TSEN15: variants seen among roughly 807,000 people sequenced by gnomAD.
The protein encoded by TSEN15 is tRNA splicing endonuclease subunit 15, also known as tRNA-splicing endonuclease subunit Sen15.
TSEN15 carries 10 observed loss-of-function variants against 20.5 expected under a neutral mutation model. That is an observed-to-expected ratio of 0.49 (90% confidence interval 0.30 to 0.83). TSEN15 has a LOEUF of 0.83. Ranked by LOEUF, TSEN15 falls within the 40% of genes least tolerant of loss-of-function variation. The pLI, the probability that TSEN15 is intolerant of heterozygous loss-of-function variation, is 0.06. For synonymous variants in TSEN15, 72 were observed against 80.1 expected, an observed-to-expected ratio of 0.90 and a Z score of 0.54; for missense variants, 180 against 218.6, an observed-to-expected ratio of 0.82 and a Z score of 1.11.
chr1:184,068,026 T>C (rs539252041), intron 3 of TSEN15, among the ~76,000 whole-genome samples: 1 of 149,170 alleles, frequency 6.7e-6, no homozygotes, highest in Non-Finnish European at 1.5e-5. Flanking sequence ...ATCACCATTT[T>C]CCACGCTTTG....
chr1:184,081,994 T>G (rs1291253644), intron 3 of TSEN15, among the ~76,000 whole-genome samples: 1 of 152,164 alleles, frequency 6.6e-6, no homozygotes, highest in Non-Finnish European at 1.5e-5. Flanking sequence ...CATAGAAGAT[T>G]TAGTGGAACT....
At chr1:184,080,572 T>G (rs897050131) in intron 3 of TSEN15, among the ~76,000 whole-genome samples, 5 of 152,204 alleles carry the variant, frequency 3.3e-5, no homozygotes, top group Non-Finnish European at 7.4e-5. Context: ...CTTGAACAAA[T>G]GTATCAAAAT....
At chr1:184,072,062 G>C in intron 3 of TSEN15, 95 bp from the exon 4 acceptor site, 1 of 1,271,534 alleles carries the variant, frequency 7.9e-7, no homozygotes, top group Non-Finnish European at 1.1e-6. Context: ...TTGGTTTCTT[G>C]TGACCTGTTT....
At chr1:184,065,620 T>C (rs904172849) in intron 3 of TSEN15, among the ~76,000 whole-genome samples, 1 of 152,236 alleles carries the variant, frequency 6.6e-6, no homozygotes, top group Non-Finnish European at 1.5e-5. Flanking sequence ...TTATACAGTA[T>C]GTAGCCTTTC....
rs138058406 is a variant in TSEN15 at position 184,054,407 on chromosome 1, G to A, written c.189G>A (p.Ala63=). Residue 63 remains alanine, a synonymous_variant, in exon 2 of 5, where the codon GCG becomes GCA. Coordinates refer to ENST00000645668, the MANE Select transcript of TSEN15 (RefSeq NM_052965.4). ...GAGATGCCACCCAAGTTTATGTAGC[G>A]TTCTTGGTTTACCTGGACCTCATGG... ...DIGDATQVYV[A]FLVYLDLMES... is the part of the protein sequence containing the mutation. 160 of 1,610,182 alleles carry A rather than the reference G, an allele frequency of 9.9e-5. No homozygotes were observed. Among genetic ancestry groups the A allele is most frequent in the Middle Eastern group, 8.2e-4 (5 of 6,076 alleles).
At chr1:184,076,252 C>T (rs1022759834), downstream of TSEN15, among the ~76,000 whole-genome samples, 11 of 152,010 alleles carry the variant, frequency 7.2e-5, no homozygotes, top group South Asian at 4.2e-4. Context: ...GTAATTCTTG[C>T]GATATTTTAA....
At chr1:184,095,426 T>C (rs1651430881) in intron 3 of TSEN15, 1 of 380,642 alleles carries the variant, frequency 2.6e-6, no homozygotes, top group Non-Finnish European at 4.6e-6. Flanking sequence ...GTAAGGTTCT[T>C]GTGGACTGAT....
Position 184,051,864 on chromosome 1 carries a change from G to C in TSEN15, c.109G>C (p.Asp37His). 1 of 1,554,234 alleles carries C rather than the reference G, an allele frequency of 6.4e-7. No individual in the cohort carries two copies. The highest frequency in any genetic ancestry group is 8.7e-7 in the Non-Finnish European group (1 of 1,149,976). ...GGGAPSWAPE[D>H]AWMGTHPKYL... ...TGGAGCTCCTTCGTGGGCCCCTGAGGACGCCTGGATGGGCACTCACCCTAA... is the reference window on the plus strand; with the variant it reads ...TGGAGCTCCTTCGTGGGCCCCTGAGCACGCCTGGATGGGCACTCACCCTAA... The change falls in exon 1 of 5, where the codon GAC becomes CAC. Residue 37 changes from aspartate (D) to histidine (H), a missense_variant. Asp to His is a moderately conservative substitution (Grantham distance 81). This residue lies in a region of TSEN15 where 76 missense variants were observed against 66.5 expected (regional missense o/e 1.14). Transcript: ENST00000645668.
At position 184,052,965 on chromosome 1, in the gene TSEN15, ATACT is replaced by A. The variant is rs538753548; in HGVS notation, c.135+1082_135+1085del. Among the ~76,000 whole-genome samples the A allele has an allele frequency of 6.4e-4, 97 of 152,310 alleles. 1 individual carries two copies. Among genetic ancestry groups the A allele is most frequent in the African/African-American group, 2.3e-3 (94 of 41,564 alleles). On this transcript the variant is annotated intron_variant, in intron 1 of 4. Transcript: ENST00000645668. ...TGAAAAATGGGGATATTAATAGTCCATACTTACTTATACGGTTGTTACAGGATTA... is the reference window on the plus strand; with the variant it reads ...TGAAAAATGGGGATATTAATAGTCCATACTTATACGGTTGTTACAGGATTA...
intron 3 of TSEN15, among the ~76,000 whole-genome samples, chr1:184,091,233 C>G (rs1013357537): frequency 2.6e-5 from 4 of 152,082 alleles, no homozygotes; most frequent in Non-Finnish European, 5.9e-5. Context: ...AAGTGTGATG[C>G]AAGTCTGGGT....
chr1:184,072,252 T>C lies in TSEN15; in HGVS notation c.449T>C (p.Ile150Thr). The C allele has an allele frequency of 1.2e-6, 2 of 1,613,476 alleles. No homozygotes were observed. Among genetic ancestry groups the C allele is most frequent in the Non-Finnish European group, 1.7e-6 (2 of 1,179,648 alleles). ...GCCATAGTGGAGTCTGATTCTACAA[T>C]AGTCTATTATAAACTTACTGATGGA... ...TLAIVESDST[I>T]VYYKLTDGFM... is the part of the protein sequence containing the mutation. Residue 150 changes from isoleucine to threonine, a missense_variant, in exon 4 of 5, where the codon ATA (isoleucine) becomes ACA (threonine). By Grantham distance (89) the Ile-to-Thr change is moderately conservative. This residue lies in a region of TSEN15 where 28 missense variants were observed against 28.7 expected (regional missense o/e 0.98). Coordinates refer to ENST00000645668, the MANE Select transcript of TSEN15 (RefSeq NM_052965.4).
At chr1:184,065,977 G>T (rs1042213880) in intron 3 of TSEN15, among the ~76,000 whole-genome samples, 1 of 152,022 alleles carries the variant, frequency 6.6e-6, no homozygotes, top group African/African-American at 2.4e-5. Flanking sequence ...ATTGTATTTT[G>T]CAGAACAGAA....
In TSEN15 at chr1:184,054,718, G is replaced by T. The variant is rs1382458083; in HGVS notation, c.218-10G>T. On this transcript the variant is annotated splice_polypyrimidine_tract_variant and intron_variant, in intron 2 of 4. Coordinates refer to ENST00000645668, the MANE Select transcript of TSEN15 (RefSeq NM_052965.4). ...TAAACATTATTGTCCATTCAATGAT[G>T]CTCTTTCAGGCAAAAGCTGGCATGA... 2 of 1,609,978 alleles carry T rather than the reference G, an allele frequency of 1.2e-6. No homozygotes were observed. Among genetic ancestry groups the T allele is most frequent in the Admixed American group, 3.4e-5 (2 of 59,450 alleles).
rs145149749 is a variant in TSEN15 at position 184,058,899 on chromosome 1, T to G, written c.353+4036T>G. On this transcript the variant is annotated intron_variant, in intron 3 of 4. Transcript: ENST00000645668. Reference sequence around the variant, plus strand: ...ATAATATTGCTTGGGCTTTTTGGTCTTAACAATTATTTATTGAGTGACTCT... The same window carrying G: ...ATAATATTGCTTGGGCTTTTTGGTCGTAACAATTATTTATTGAGTGACTCT... Among the ~76,000 whole-genome samples, 470 of 152,320 alleles carry G rather than the reference T, an allele frequency of 3.1e-3. 2 individuals are homozygous for G. Among genetic ancestry groups the G allele is most frequent in the African/African-American group, 7.4e-3 (306 of 41,584 alleles).
downstream of TSEN15, among the ~76,000 whole-genome samples, chr1:184,075,748 G>A (rs74131435): frequency 0.029 from 4,385 of 151,864 alleles, 223 homozygotes; most frequent in African/African-American, 0.1. Context: ...TAAGTTTTAC[G>A]TACTCACATC....
chr1:184,092,157 G>A (rs1160610021), intron 3 of TSEN15, among the ~76,000 whole-genome samples: 1 of 152,236 alleles, frequency 6.6e-6, no homozygotes, highest in East Asian at 1.9e-4. Context: ...GGTATAACCA[G>A]ACAGATGTGC....
At chr1:184,059,955 T>C (rs1399231382) in intron 3 of TSEN15, among the ~76,000 whole-genome samples, 1 of 152,228 alleles carries the variant, frequency 6.6e-6, no homozygotes, top group Non-Finnish European at 1.5e-5. Context: ...ATGTGTAAGT[T>C]TTCACAGACT....
Position 184,054,368 on chromosome 1 carries a change from G to T in TSEN15, c.150G>T (p.Met50Ile). ...MGTHPKYLEMMELDIGDATQV... is the reference protein window; with the variant it reads ...MGTHPKYLEMIELDIGDATQV... The stretch of plus-strand genomic sequence containing the variant: ...TTAATTTTCAGTATCTAGAAATGAT[G>T]GAATTAGATATAGGAGATGCCACCC... The change falls in exon 2 of 5, where the codon ATG becomes ATT. Residue 50 changes from methionine (M) to isoleucine (I), a missense_variant. Transcript: ENST00000645668. 6.3e-7 allele frequency: 1 copy of T among 1,587,460 alleles called. No homozygotes were observed. The highest frequency in any genetic ancestry group is 8.6e-7 in the Non-Finnish European group (1 of 1,161,080).
chr1:184,072,104 C>G (rs1258661667), intron 3 of TSEN15, 53 bp from the exon 4 acceptor site: 1 of 1,570,180 alleles, frequency 6.4e-7, no homozygotes, highest in African/African-American at 1.4e-5. Context: ...TCTGTCACAT[C>G]TCATCTAATT....
Sources: gnomAD v4.1 joint callset for allele counts (sites outside exome capture counted in the v4.1 genomes callset) on GRCh38, gnomAD v4.1.1 for gene constraint, gnomAD v4.1.1 regional missense constraint, MANE v1.5 for transcripts, NCBI Gene and HGNC (gene_info 2026-07-23, HGNC 2026-07-21) for gene names.